The following KHDRBS2 variants were observed in gnomAD, a reference collection of about 807,000 sequenced individuals.
KHDRBS2 encodes the protein KH domain-containing, RNA-binding, signal transduction-associated protein 2.
In KHDRBS2, 26 loss-of-function variants were observed where a neutral mutation model predicts 44.3. That is an observed-to-expected ratio of 0.59 (90% CI 0.43 to 0.81). The LOEUF is 0.81. KHDRBS2 is among the 40% of genes least tolerant of loss of function. The pLI is 0.00. For missense variants in KHDRBS2, 476 were observed against 433.1 expected, an observed-to-expected ratio of 1.10 and a Z score of -0.88; for synonymous variants, 194 against 151.1, an observed-to-expected ratio of 1.28 and a Z score of -2.08.
rs535863110 is a variant in KHDRBS2, at chr6:62,044,631, A to G, written c.336+3247T>C. 1.7e-3 allele frequency among the ~76,000 whole-genome samples: 259 copies of G among 152,208 alleles called. 7 individuals carry two copies. The South Asian group carries it at 0.051, about 30-fold the overall frequency. On this transcript the variant is annotated intron_variant, in intron 3 of 8. Transcript: ENST00000281156. ...GGCAAACATGTTTATTAAACAATAT[A>G]TCCTGCAAAGTCACCTATCTATGAA...
intron 6 of KHDRBS2, among the ~76,000 whole-genome samples, chr6:61,803,250 A>C (rs1715029): frequency 0.28 from 42,905 of 151,936 alleles, 6,237 homozygotes; most frequent in South Asian, 0.35. Flanking sequence ...TGCAGGCAGT[A>C]CTGTTGCCTA....
At chr6:62,106,332 C>T (rs143649673) in intron 2 of KHDRBS2, among the ~76,000 whole-genome samples, 2 of 152,024 alleles carry the variant, frequency 1.3e-5, no homozygotes, top group Non-Finnish European at 2.9e-5. Flanking sequence ...CCAGGGGATC[C>T]TTGTTAACTT....
chr6:61,846,238 T>C (rs1047830292), intron 6 of KHDRBS2, among the ~76,000 whole-genome samples: 3 of 152,216 alleles, frequency 2.0e-5, no homozygotes, highest in African/African-American at 4.8e-5. Flanking sequence ...AATAGACTAA[T>C]ACACTAGGCA....
At chr6:62,138,157 T>C (rs1000367853) in intron 2 of KHDRBS2, among the ~76,000 whole-genome samples, 3 of 152,212 alleles carry the variant, frequency 2.0e-5, no homozygotes, top group African/African-American at 7.2e-5. Flanking sequence ...GAAAAGGCAC[T>C]CAATAACCTT....
Position 62,142,603 on chromosome 6 carries a change from G to A in KHDRBS2, c.219+34582C>T, listed in dbSNP as rs148506685. Among the ~76,000 whole-genome samples the A allele has an allele frequency of 5.9e-4, 90 of 152,044 alleles. No individual in the cohort carries two copies. In the East Asian group the frequency reaches 0.016, roughly 27 times the overall value. ...CTAGAACACCACAATGAAATAATCAGCATGAACGTTTGAAAAAATTTCATG... is the reference window on the plus strand; with the variant it reads ...CTAGAACACCACAATGAAATAATCAACATGAACGTTTGAAAAAATTTCATG... On this transcript the variant is annotated intron_variant, in intron 2 of 8. Coordinates refer to ENST00000281156, the MANE Select transcript of KHDRBS2 (RefSeq NM_152688.4).
chr6:61,961,977 G>GATAT lies in KHDRBS2; in HGVS notation c.483+16085_483+16088dup, dbSNP rs3076263. 3.8e-3 allele frequency among the ~76,000 whole-genome samples: 575 copies of GATAT among 150,618 alleles called. 1 individual carries two copies. Among genetic ancestry groups the GATAT allele is most frequent in the African/African-American group, 6.7e-3 (276 of 41,044 alleles). On this transcript the variant is annotated intron_variant, in intron 4 of 8. Coordinates refer to ENST00000281156, the MANE Select transcript of KHDRBS2 (RefSeq NM_152688.4). ...AATACAATAGCATATTTTATGTGGAGATATATATATATACACATATAATAG... is the reference window on the plus strand; with the variant it reads ...AATACAATAGCATATTTTATGTGGAGATATATATATATATATACACATATAATAG...
Position 62,051,640 on chromosome 6 carries a change from C to T in KHDRBS2, c.220-3646G>A, listed in dbSNP as rs1171196313. Reference sequence around the variant, plus strand: ...CAAAAGCAAAAACAAATAAACGGGACTACATTAAACTAAAAAACTCCTTCA... The same window carrying T: ...CAAAAGCAAAAACAAATAAACGGGATTACATTAAACTAAAAAACTCCTTCA... On this transcript the variant is annotated intron_variant, in intron 2 of 8. Transcript: ENST00000281156. Among the ~76,000 whole-genome samples, 6 of 151,978 alleles carry T rather than the reference C, an allele frequency of 3.9e-5. No individual in the cohort carries two copies. In the East Asian group the frequency reaches 5.8e-4, roughly 15 times the overall value.
At position 61,988,476 on chromosome 6, in the gene KHDRBS2, T is replaced by C. The variant is rs80097940; in HGVS notation, c.337-10264A>G. Among the ~76,000 whole-genome samples the C allele has an allele frequency of 1.9e-3, 292 of 152,290 alleles. 3 individuals are homozygous for C. Among genetic ancestry groups the C allele is most frequent in the African/African-American group, 6.6e-3 (276 of 41,564 alleles). ...ATTCCAACTGGATACAAATGGGCTT[T>C]CTTAGGGTTCAGTAGAAGAAACTGG... is the stretch of plus-strand genomic sequence containing the variant. On this transcript the variant is annotated intron_variant, in intron 3 of 8. Coordinates refer to ENST00000281156, the MANE Select transcript of KHDRBS2 (RefSeq NM_152688.4).
At chr6:61,872,555 A>C (rs1241238246) in intron 6 of KHDRBS2, among the ~76,000 whole-genome samples, 1 of 152,170 alleles carries the variant, frequency 6.6e-6, no homozygotes, top group African/African-American at 2.4e-5. Flanking sequence ...TAGGCCTAAA[A>C]GATGTGAAAG....
intron 2 of KHDRBS2, among the ~76,000 whole-genome samples, chr6:62,114,897 TG>T (rs1158931567): frequency 6.6e-6 from 1 of 151,936 alleles, no homozygotes; most frequent in Admixed American, 6.6e-5. Flanking sequence ...ATGTTAAAAA[TG>T]GAAAAAAACT....
rs148717018 is a variant in KHDRBS2, at chr6:62,182,438, G to A, written c.92-5126C>T. 2.0e-5 allele frequency among the ~76,000 whole-genome samples: 3 copies of A among 152,060 alleles called. No individual in the cohort carries two copies. In the South Asian group the frequency reaches 6.2e-4, roughly 32 times the overall value. On this transcript the variant is annotated intron_variant, in intron 1 of 8. Transcript: ENST00000281156. ...TACTGTATTGTTGGCTTAAAAATTT[G>A]CTAAGAGGGTAGATCTTGTATTAAG...
chr6:61,874,802 G>A (rs1343736281), intron 6 of KHDRBS2, among the ~76,000 whole-genome samples: 1 of 152,074 alleles, frequency 6.6e-6, no homozygotes, highest in Non-Finnish European at 1.5e-5. Context: ...AGTCTAGTCA[G>A]AACTGATGCC....
chr6:61,550,558 G>GC, the KHDRBS2 span, among the ~76,000 whole-genome samples: 1 of 152,016 alleles, frequency 6.6e-6, no homozygotes, highest in African/African-American at 2.4e-5. Context: ...GGGGATGGTG[G>GC]CTTACATACT....
At chr6:61,729,948 G>T (rs1173864527) in intron 7 of KHDRBS2, among the ~76,000 whole-genome samples, 1 of 151,826 alleles carries the variant, frequency 6.6e-6, no homozygotes, top group Non-Finnish European at 1.5e-5. Context: ...ATTTAATTTT[G>T]ATAAAATACA....
chr6:62,159,729 G>A (rs1292486638), intron 2 of KHDRBS2, among the ~76,000 whole-genome samples: 1 of 152,086 alleles, frequency 6.6e-6, no homozygotes, highest in Non-Finnish European at 1.5e-5. Context: ...TATGTTATAT[G>A]TATTATATAC....
intron 6 of KHDRBS2, among the ~76,000 whole-genome samples, chr6:61,877,656 G>A (rs998127526): frequency 2.0e-5 from 3 of 151,772 alleles, no homozygotes; most frequent in African/African-American, 4.8e-5. Flanking sequence ...CGGAGCAAGG[G>A]CTAAAATTGC....
chr6:62,279,525 T>C (rs975392536), intron 1 of KHDRBS2, among the ~76,000 whole-genome samples: 4 of 152,168 alleles, frequency 2.6e-5, no homozygotes, highest in Non-Finnish European at 5.9e-5. Context: ...AGTCATAGTA[T>C]GGCCCTCAAG....
At chr6:62,204,173 C>T (rs563373083) in intron 1 of KHDRBS2, among the ~76,000 whole-genome samples, 3 of 152,130 alleles carry the variant, frequency 2.0e-5, no homozygotes, top group Non-Finnish European at 4.4e-5. Context: ...TATCATGCCT[C>T]AGGCATTCCT....
chr6:61,823,588 T>C (rs1790356714), intron 6 of KHDRBS2, among the ~76,000 whole-genome samples: 2 of 152,244 alleles, frequency 1.3e-5, no homozygotes, highest in South Asian at 4.1e-4. Context: ...ATACTCATTA[T>C]AACAAATCAG....
Sources: gnomAD v4.1 joint callset for allele counts (sites outside exome capture counted in the v4.1 genomes callset) on GRCh38, gnomAD v4.1.1 for gene constraint, MANE v1.5 for transcripts, NCBI Gene and HGNC (gene_info 2026-07-23, HGNC 2026-07-21) for gene names.